Variants in GLIS3 observed in about 807,000 individuals in gnomAD.
GLIS3 encodes GLIS family zinc finger 3, also known as zinc finger protein GLIS3.
In GLIS3, 53 loss-of-function variants were observed where a neutral mutation model predicts 78.6. The ratio of observed to expected loss-of-function variants is 0.67; its 90% CI spans 0.54 to 0.85. The LOEUF (loss-of-function observed/expected upper bound fraction) is 0.85. GLIS3 is among the 40% of genes least tolerant of loss of function. GLIS3 has a pLI of 0.00. For missense variants in GLIS3, 1,703 were observed against 1,231.1 expected, an observed-to-expected ratio of 1.38 and a Z score of -5.74; for synonymous variants, 684 against 509.9, an observed-to-expected ratio of 1.34 and a Z score of -4.60.
chr9:4,481,811 G>A, the GLIS3 span, among the ~76,000 whole-genome samples: 1 of 152,292 alleles, frequency 6.6e-6, no homozygotes, highest in Admixed American at 6.5e-5. Flanking sequence ...ACTTATGACT[G>A]ATGTTACTAA....
chr9:4,395,936 G>A, the GLIS3 span, among the ~76,000 whole-genome samples: 2 of 151,766 alleles, frequency 1.3e-5, no homozygotes, highest in African/African-American at 4.8e-5. Context: ...ACCACGCCCA[G>A]CTAATTTTTG....
Position 4,125,719 on chromosome 9 carries a change from A to G in GLIS3, c.596+15T>C. 4 of 1,608,132 alleles carry G rather than the reference A, an allele frequency of 2.5e-6. No individual in the cohort carries two copies. Among genetic ancestry groups the G allele is most frequent in the African/African-American group, 1.3e-5 (1 of 74,860 alleles). On this transcript the variant is annotated intron_variant, in intron 3 of 10. Coordinates refer to ENST00000381971, the MANE Select transcript of GLIS3 (RefSeq NM_001042413.2). ...TATACCATAAAGAAAGGGGAAAAAA[A>G]AGTTAACTTGAGACCTGGTATCTGA...
chr9:3,926,958 A>C (rs1825299777), intron 6 of GLIS3, among the ~76,000 whole-genome samples: 1 of 152,174 alleles, frequency 6.6e-6, no homozygotes, highest in Admixed American at 6.5e-5. Context: ...ATGTGTTCCC[A>C]CTACAAATAT....
intron 4 of GLIS3, among the ~76,000 whole-genome samples, chr9:4,065,973 G>T (rs1385635926): frequency 6.6e-6 from 1 of 150,780 alleles, no homozygotes. Flanking sequence ...TGGTGAAAAG[G>T]TGGTATAACC....
chr9:4,426,458 G>C, the GLIS3 span, among the ~76,000 whole-genome samples: 1 of 152,104 alleles, frequency 6.6e-6, no homozygotes, highest in Non-Finnish European at 1.5e-5. Flanking sequence ...TCTGCCCTCT[G>C]TCTCTGCTCA....
chr9:3,933,886 A>G (rs1287386903), intron 5 of GLIS3, among the ~76,000 whole-genome samples: 1 of 152,198 alleles, frequency 6.6e-6, no homozygotes, highest in African/African-American at 2.4e-5. Flanking sequence ...AGATTAAATC[A>G]TGAACATATA....
intron 2 of GLIS3, among the ~76,000 whole-genome samples, chr9:4,317,600 C>A (rs745311417): frequency 7.9e-5 from 12 of 152,178 alleles, no homozygotes; most frequent in Non-Finnish European, 1.6e-4. Flanking sequence ...GATTATTCAT[C>A]CTTTTATATG....
At chr9:4,105,700 G>C (rs912249324) in intron 4 of GLIS3, among the ~76,000 whole-genome samples, 2 of 152,054 alleles carry the variant, frequency 1.3e-5, no homozygotes, top group Non-Finnish European at 2.9e-5. Context: ...TGTTTGTTTT[G>C]ATTTACTATC....
intron 2 of GLIS3, among the ~76,000 whole-genome samples, chr9:4,183,048 G>A (rs1454953150): frequency 1.3e-5 from 2 of 152,206 alleles, no homozygotes; most frequent in Non-Finnish European, 2.9e-5. Flanking sequence ...ATAGTGGTGA[G>A]GCCCACGTGC....
the GLIS3 span, among the ~76,000 whole-genome samples, chr9:4,455,816 T>C: frequency 2.7e-4 from 41 of 152,174 alleles, no homozygotes; most frequent in African/African-American, 9.4e-4. Flanking sequence ...CTAGTACATA[T>C]AAAAGTTATG....
intron 2 of GLIS3, among the ~76,000 whole-genome samples, chr9:4,193,116 T>C (rs1307485729): frequency 1.3e-5 from 2 of 152,264 alleles, no homozygotes; most frequent in African/African-American, 2.4e-5. Context: ...TTCAGACTTA[T>C]ATTTTACTTA....
chr9:4,041,605 A>G (rs893341127), intron 4 of GLIS3, among the ~76,000 whole-genome samples: 2 of 152,054 alleles, frequency 1.3e-5, no homozygotes, highest in African/African-American at 4.8e-5. Flanking sequence ...CCTAATCAGT[A>G]TGGTTCTTGT....
intron 6 of GLIS3, among the ~76,000 whole-genome samples, chr9:3,916,699 T>G (rs1031743545): frequency 1.3e-5 from 2 of 152,156 alleles, no homozygotes; most frequent in Non-Finnish European, 2.9e-5. Context: ...TTTTTTTTTC[T>G]CCTCCTGAAT....
At chr9:4,442,089 C>A in the GLIS3 span, among the ~76,000 whole-genome samples, 1 of 152,152 alleles carries the variant, frequency 6.6e-6, no homozygotes, top group Non-Finnish European at 1.5e-5. Context: ...CCAGGCTTTT[C>A]TTAGATGGGA....
chr9:4,216,203 TG>T (rs1409601469), intron 2 of GLIS3, among the ~76,000 whole-genome samples: 2 of 151,940 alleles, frequency 1.3e-5, no homozygotes, highest in African/African-American at 4.8e-5. Context: ...CCAGGCACGG[TG>T]GCTCACACCT....
intron 4 of GLIS3, among the ~76,000 whole-genome samples, chr9:4,108,967 G>T (rs996959384): frequency 6.6e-6 from 1 of 152,160 alleles, no homozygotes; most frequent in African/African-American, 2.4e-5. Flanking sequence ...GTAACAAAAG[G>T]CAAGTCTTCC....
rs12237323 is a variant in GLIS3, at chr9:4,295,848, C to T, written c.-99+3573G>A. ...AAACTACAAAAACTGGGGACTTGGACATCTTTTAATCAAACTATGTATCAA... is the reference window on the plus strand; with the variant it reads ...AAACTACAAAAACTGGGGACTTGGATATCTTTTAATCAAACTATGTATCAA... On this transcript the variant is annotated intron_variant, in intron 1 of 10. Coordinates refer to ENST00000381971, the MANE Select transcript of GLIS3 (RefSeq NM_001042413.2). Among the ~76,000 whole-genome samples the T allele has an allele frequency of 4.7e-4, 72 of 152,284 alleles. No individual in the cohort carries two copies. In the East Asian group the frequency reaches 9.1e-3, roughly 19 times the overall value.
chr9:4,272,391 T>A (rs903670102), intron 2 of GLIS3, among the ~76,000 whole-genome samples: 2 of 152,054 alleles, frequency 1.3e-5, no homozygotes, highest in Non-Finnish European at 2.9e-5. Flanking sequence ...TTTGAGGCAA[T>A]CTCTGCCAAA....
At chr9:4,279,078 G>T (rs1340829281) in intron 2 of GLIS3, among the ~76,000 whole-genome samples, 1 of 151,976 alleles carries the variant, frequency 6.6e-6, no homozygotes, top group Non-Finnish European at 1.5e-5. Flanking sequence ...GAGGCAGGTG[G>T]ATCATGAGGT....
Sources: allele counts gnomAD v4.1 joint callset (sites outside exome capture counted in the v4.1 genomes callset), GRCh38; gene constraint gnomAD v4.1.1; transcripts MANE v1.5; gene names NCBI Gene and HGNC (gene_info 2026-07-23, HGNC 2026-07-21).